Variants in EPN1 observed in about 807,000 individuals in gnomAD.
EPN1 encodes the protein epsin 1, also known as epsin-1.
Under a neutral mutation model 56.9 loss-of-function variants are expected in EPN1, and 25 were observed. That is an observed-to-expected ratio of 0.44 (90% CI 0.32 to 0.61). EPN1 has a LOEUF of 0.61. Ranked by LOEUF, EPN1 falls within the 20% of genes least tolerant of loss-of-function variation. The pLI, the probability that EPN1 is intolerant of heterozygous loss-of-function variation, is 0.05. For synonymous variants in EPN1, 411 were observed against 361.8 expected (o/e 1.14, Z -1.54); for missense variants, 785 against 823.7 (o/e 0.95, Z 0.58).
At position 55,697,723 on chromosome 19, in the gene EPN1, A is replaced by G. The variant is rs1478693962; in HGVS notation, c.*2367A>G. On this transcript the variant is annotated 3_prime_UTR_variant, in exon 11 of 11. Coordinates refer to ENST00000270460, the MANE Select transcript of EPN1 (RefSeq NM_001130072.2). ...CTCTTTCTAGAATATTCCAGCCACC[A>G]AAGTGCTCAGCAGGAGCTGCTGTGT... is the stretch of plus-strand genomic sequence containing the variant. 7 of 152,122 alleles carry G rather than the reference A, an allele frequency of 4.6e-5. No individual in the cohort carries two copies. Among genetic ancestry groups the G allele is most frequent in the Non-Finnish European group, 1.0e-4 (7 of 68,032 alleles). The allele number at this position is 152,122 out of a possible 1,614,324, so 9.4% of individuals were successfully genotyped here.
At position 55,709,119 on chromosome 19, in the gene EPN1, C is replaced by G. The variant is rs75752156; in HGVS notation, c.*13763C>G. 0.025 allele frequency: 24,766 copies of G among 1,006,978 alleles called. 370 individuals carry two copies. The highest frequency in any genetic ancestry group is 0.029 in the Non-Finnish European group (20,666 of 704,110). 62.4% of individuals were successfully genotyped at this position (1,006,978 alleles called of 1,614,324 possible). ...GTATTGCCTCTCTACATTCTGATGT[C>G]TACCTCTCCTCTCCTCTTTATTCTT... On this transcript the variant is annotated 3_prime_UTR_variant, in exon 11 of 11. Transcript: ENST00000270460.
At position 55,692,686 on chromosome 19, in the gene EPN1, G is replaced by C. The variant is rs1261283204; in HGVS notation, c.1067G>C (p.Gly356Ala). 6.5e-7 allele frequency: 1 copy of C among 1,535,276 alleles called. No homozygotes were observed. Reference sequence around the variant, plus strand: ...CTCATGCTCTTCTGTCCTCACCCAGGTGGGGTCCCGGTCAGTGGGCCCTCA... The same window carrying C: ...CTCATGCTCTTCTGTCCTCACCCAGCTGGGGTCCCGGTCAGTGGGCCCTCA... ...PTPDPWGSSD[G>A]GVPVSGPSAS... is the part of the protein sequence containing the mutation. The change falls in exon 8 of 11, where the codon GGT (glycine) becomes GCT (alanine). Residue 356 changes from glycine (G) to alanine (A), a missense_variant and splice_region_variant. By Grantham distance (60) the Gly-to-Ala change is moderately conservative (BLOSUM62 0). Coordinates refer to ENST00000270460, the MANE Select transcript of EPN1 (RefSeq NM_001130072.2).
rs1002967646 is a variant in EPN1, at chr19:55,706,370, G to C, written c.*11014G>C. Reference sequence around the variant, plus strand: ...GTACTGTTTTAGAAAAGTGAAAGAGGGCCGGGCGTGGTGGCTCATGTCTGA... The same window carrying C: ...GTACTGTTTTAGAAAAGTGAAAGAGCGCCGGGCGTGGTGGCTCATGTCTGA... On this transcript the variant is annotated 3_prime_UTR_variant, in exon 11 of 11. Coordinates refer to ENST00000270460, the MANE Select transcript of EPN1 (RefSeq NM_001130072.2). The C allele has an allele frequency of 9.3e-5, 14 of 150,554 alleles. No homozygotes were observed. The highest frequency in any genetic ancestry group is 3.5e-4 in the African/African-American group (14 of 39,988). 9.3% of individuals were successfully genotyped at this position (150,554 alleles called of 1,614,324 possible).
rs188644389 is a variant in EPN1 at position 55,706,235 on chromosome 19, C to T, written c.*10879C>T. 3 of 150,560 alleles carry T rather than the reference C, an allele frequency of 2.0e-5. No individual in the cohort carries two copies. Among genetic ancestry groups the T allele is most frequent in the East Asian group, 3.9e-4 (2 of 5,114 alleles). 9.3% of individuals were successfully genotyped at this position (150,560 alleles called of 1,614,324 possible). On this transcript the variant is annotated 3_prime_UTR_variant, in exon 11 of 11. Transcript: ENST00000270460. Reference sequence around the variant, plus strand: ...TTTCTTTCTTCCTTTCCTCCTCTTTCTTCTCCTTTTTCCTCCTCTTTTCTT... The same window carrying T: ...TTTCTTTCTTCCTTTCCTCCTCTTTTTTCTCCTTTTTCCTCCTCTTTTCTT...
intron 2 of EPN1, among the ~76,000 whole-genome samples, chr19:55,679,636 C>T (rs1054740358): frequency 6.6e-6 from 1 of 152,196 alleles, no homozygotes; most frequent in South Asian, 2.1e-4. Context: ...GGTCCCTGTC[C>T]TTGCTGATCT....
intron 9 of EPN1, chr19:55,693,307 C>T: frequency 2.3e-6 from 1 of 439,464 alleles, no homozygotes; most frequent in East Asian, 4.0e-5. Flanking sequence ...CCGTCTCTGC[C>T]TCCACGTTGC....
chr19:55,685,335 GCA>G, intron 2 of EPN1, 59 bp from the exon 3 acceptor site: 1 of 1,565,434 alleles, frequency 6.4e-7, no homozygotes, highest in Non-Finnish European at 8.6e-7. Flanking sequence ...CGCGTCGCAG[GCA>G]GTCTCTGGCC....
intron 2 of EPN1, among the ~76,000 whole-genome samples, chr19:55,679,663 G>T (rs1600095487): frequency 6.6e-6 from 1 of 152,212 alleles, no homozygotes; most frequent in African/African-American, 2.4e-5. Flanking sequence ...CTTCTGCCTA[G>T]GTGAGGGTGG....
rs1986580128 is a variant in EPN1, at chr19:55,691,911, C to G, written c.920C>G (p.Pro307Arg). 1.3e-6 allele frequency: 2 copies of G among 1,587,538 alleles called. No homozygotes were observed. The highest frequency in any genetic ancestry group is 2.7e-5 in the African/African-American group (2 of 74,274). The change falls in exon 7 of 11, where the codon CCC (proline) becomes CGC (arginine). Residue 307 changes from proline (P) to arginine (R), a missense_variant. Physicochemically the swap from Pro to Arg is moderately radical, Grantham distance 103 (BLOSUM62 -2). Coordinates refer to ENST00000270460, the MANE Select transcript of EPN1 (RefSeq NM_001130072.2). This position sits in a 1 kb window ranked among gnomAD's most constrained non-coding sequence, Gnocchi z 5.6. ...GGPPVPPAAD[P>R]WGGPAPTPAS... ...CCCCCTGTCCCTCCAGCTGCTGATCCCTGGGGAGGTCCAGCCCCCACGCCG... is the reference window on the plus strand; with the variant it reads ...CCCCCTGTCCCTCCAGCTGCTGATCGCTGGGGAGGTCCAGCCCCCACGCCG...
Position 55,706,283 on chromosome 19 carries a change from C to CTTT in EPN1, c.*10941_*10943dup, listed in dbSNP as rs933101353. On this transcript the variant is annotated 3_prime_UTR_variant, in exon 11 of 11. Transcript: ENST00000270460. ...CTTCCTTTCTTCTCTTTTTCTTCTT[C>CTTT]TTTTTTTTTTTTTTTTAAAAGACCG... 3.9e-4 allele frequency: 46 copies of CTTT among 118,432 alleles called. No individual in the cohort carries two copies. The highest frequency in any genetic ancestry group is 1.1e-3 in the South Asian group (5 of 4,364). The allele number at this position is 118,432 out of a possible 1,614,324, so 7.3% of individuals were successfully genotyped here. A position where few individuals can be genotyped will look rare whatever the true frequency, so the allele number is the denominator to read the frequency against.
chr19:55,695,274 C>T lies in EPN1; in HGVS notation c.1649C>T (p.Ser550Phe), dbSNP rs750565384. Residue 550 changes from serine (S) to phenylalanine (F), a missense_variant, in exon 11 of 11, where the codon TCT (serine) becomes TTT (phenylalanine). By Grantham distance (155) the Ser-to-Phe change is radical. Around this residue, in one of 2 missense-constraint regions of EPN1, gnomAD observed 650 missense variants for 605.0 expected, o/e 1.07. Coordinates refer to ENST00000270460, the MANE Select transcript of EPN1 (RefSeq NM_001130072.2). The surrounding 1 kb of genome is among the most constrained non-coding windows in gnomAD (Gnocchi z 4.4). ...CCTGGAGCGCCACCCACGTACATCT[C>T]TCCCCTTGGCGGGGGCCCTGGCCTG... ...PVPGAPPTYI[S>F]PLGGGPGLPP... The T allele has an allele frequency of 1.2e-6, 2 of 1,601,846 alleles. No homozygotes were observed. The highest frequency in any genetic ancestry group is 1.7e-6 in the Non-Finnish European group (2 of 1,175,802).
chr19:55,703,102 C>G lies in EPN1; in HGVS notation c.*7746C>G, dbSNP rs1600115927. On this transcript the variant is annotated 3_prime_UTR_variant, in exon 11 of 11. Transcript: ENST00000270460. The stretch of plus-strand genomic sequence containing the variant: ...GTGAGCCACCGCACCTGGCCTCTTT[C>G]AGTTTTGATAGCAGATTATTTCCTT... 2.5e-5 allele frequency: 3 copies of G among 119,708 alleles called. No individual in the cohort carries two copies. The highest frequency in any genetic ancestry group is 2.4e-4 in the Admixed American group (3 of 12,654). 7.4% of individuals were successfully genotyped at this position (119,708 alleles called of 1,614,324 possible).
In EPN1 at chr19:55,689,138, C is replaced by G. The variant is rs907988605; in HGVS notation, c.603+144C>G. The G allele has an allele frequency of 7.1e-6, 9 of 1,269,284 alleles. No individual in the cohort carries two copies. The highest frequency in any genetic ancestry group is 9.7e-6 in the Non-Finnish European group (9 of 928,686). The allele number at this position is 1,269,284 out of a possible 1,614,324, so 78.6% of individuals were successfully genotyped here. A position where few individuals can be genotyped will look rare whatever the true frequency, so the allele number is the denominator to read the frequency against. On this transcript the variant is annotated intron_variant, in intron 4 of 10. Coordinates refer to ENST00000270460, the MANE Select transcript of EPN1 (RefSeq NM_001130072.2). This position sits in a 1 kb window ranked among gnomAD's most constrained non-coding sequence, Gnocchi z 5.7. The stretch of plus-strand genomic sequence containing the variant: ...CGTCTCCTCCCCAGTCCTGCCTCAT[C>G]CTCACCCCGCCGTCCCTCTGCGTGT...
rs748577449 is a variant in EPN1 at position 55,692,987 on chromosome 19, CTGACTT to C, written c.1219_1224del (p.Phe407_Asp408del). Reference sequence around the variant, plus strand: ...TTCGACACGGAGCCCGACGAGTTCTCTGACTTTGACCGACTCCGCACGGCACTGCCG... The same window carrying C: ...TTCGACACGGAGCCCGACGAGTTCTCTGACCGACTCCGCACGGCACTGCCG... On this transcript the variant is annotated inframe_deletion, in exon 9 of 11. Coordinates refer to ENST00000270460, the MANE Select transcript of EPN1 (RefSeq NM_001130072.2). 1.1e-5 allele frequency: 18 copies of C among 1,613,398 alleles called. No individual in the cohort carries two copies. The African/African-American group carries it at 1.2e-4, about 11-fold the overall frequency.
rs1479905447 is a variant in EPN1, at chr19:55,685,646, G to A, written c.478+1G>A. 1 of 1,592,524 alleles carries A rather than the reference G, an allele frequency of 6.3e-7. No individual in the cohort carries two copies. The highest frequency in any genetic ancestry group is 8.5e-7 in the Non-Finnish European group (1 of 1,171,830). ...GAAAAGCTGGCACAGACCGCCACGG[G>A]TGAGTCCCTCCCTGCGGCCCCTGAC... On this transcript the variant is annotated splice_donor_variant, in intron 3 of 10. Coordinates refer to ENST00000270460, the MANE Select transcript of EPN1 (RefSeq NM_001130072.2). LOFTEE classifies it high-confidence loss of function.
Position 55,706,299 on chromosome 19 carries a change from T to TTTTTTTA in EPN1, c.*10943_*10944insTTTTTTA, listed in dbSNP as rs1324277673. On this transcript the variant is annotated 3_prime_UTR_variant, in exon 11 of 11. Coordinates refer to ENST00000270460, the MANE Select transcript of EPN1 (RefSeq NM_001130072.2). ...TTTCTTCTTCTTTTTTTTTTTTTTT[T>TTTTTTTA]AAAAGACCGTGTTTCGCTCTGTCAC... 6 of 154,806 alleles carry TTTTTTTA rather than the reference T, an allele frequency of 3.9e-5. No individual in the cohort carries two copies. The highest frequency in any genetic ancestry group is 1.7e-4 in the South Asian group (1 of 5,718). The allele number at this position is 154,806 out of a possible 1,614,324, so 9.6% of individuals were successfully genotyped here.
Position 55,691,952 on chromosome 19 carries a change from T to C in EPN1, c.961T>C (p.Trp321Arg). The C allele has an allele frequency of 6.5e-7, 1 of 1,528,326 alleles. No homozygotes were observed. The highest frequency in any genetic ancestry group is 8.8e-7 in the Non-Finnish European group (1 of 1,142,136). 94.7% of individuals were successfully genotyped at this position (1,528,326 alleles called of 1,614,324 possible). The change falls in exon 7 of 11, where the codon TGG becomes CGG. Residue 321 changes from tryptophan to arginine, a missense_variant. Trp to Arg is a moderately radical substitution (Grantham distance 101). Transcript: ENST00000270460. The surrounding 1 kb of genome is among the most constrained non-coding windows in gnomAD (Gnocchi z 5.6). ...CCCCACGCCGGCCTCTGGGGACCCCTGGAGGCCTGCTGCCCCTGCAGGACC... is the reference window on the plus strand; with the variant it reads ...CCCCACGCCGGCCTCTGGGGACCCCCGGAGGCCTGCTGCCCCTGCAGGACC... Reference protein sequence around the residue: ...PAPTPASGDPWRPAAPAGPSV... With the variant: ...PAPTPASGDPRRPAAPAGPSV...
Position 55,691,964 on chromosome 19 carries a change from G to T in EPN1, c.973G>T (p.Ala325Ser). 9.9e-6 allele frequency: 15 copies of T among 1,516,534 alleles called. No individual in the cohort carries two copies. The highest frequency in any genetic ancestry group is 1.1e-5 in the Non-Finnish European group (13 of 1,137,360). The allele number at this position is 1,516,534 out of a possible 1,614,324, so 93.9% of individuals were successfully genotyped here. The change falls in exon 7 of 11, where the codon GCC becomes TCC. Residue 325 changes from alanine to serine, a missense_variant. Coordinates refer to ENST00000270460, the MANE Select transcript of EPN1 (RefSeq NM_001130072.2). This position sits in a 1 kb window ranked among gnomAD's most constrained non-coding sequence, Gnocchi z 5.6. ...PASGDPWRPA[A>S]PAGPSVDPWG... ...CTCTGGGGACCCCTGGAGGCCTGCTGCCCCTGCAGGACCCTCAGTTGACCC... is the reference window on the plus strand; with the variant it reads ...CTCTGGGGACCCCTGGAGGCCTGCTTCCCCTGCAGGACCCTCAGTTGACCC...
At chr19:55,692,101 C>T (rs951128642) in intron 7 of EPN1, 44 bp downstream of exon 7, 2 of 1,389,564 alleles carry the variant, frequency 1.4e-6, no homozygotes, top group Non-Finnish European at 1.9e-6. Flanking sequence ...CGCCTGTGTG[C>T]ACCTGTCTTT....
Sources: allele counts gnomAD v4.1 joint callset (sites outside exome capture counted in the v4.1 genomes callset), GRCh38; gene constraint gnomAD v4.1.1; regional missense constraint gnomAD v4.1.1; non-coding constraint Gnocchi (gnomAD v3.1); transcripts MANE v1.5; gene names NCBI Gene and HGNC (gene_info 2026-07-23, HGNC 2026-07-21).